The following SKIL variants were observed in gnomAD, a reference collection of about 807,000 sequenced individuals.
SKIL encodes SKI like proto-oncogene.
Under a neutral mutation model 69.6 loss-of-function variants are expected in SKIL, and 20 were observed. That is an observed-to-expected ratio of 0.29 (90% CI 0.20 to 0.42). The LOEUF is 0.42. SKIL is among the 10% of genes least tolerant of loss of function. The probability of loss-of-function intolerance (pLI) is 1.00; values close to 1 mark genes in which losing one functional copy is unlikely to be tolerated. For missense variants in SKIL, 745 were observed against 783.1 expected (o/e 0.95, Z 0.58); for synonymous variants, 310 against 279.9 (o/e 1.11, Z -1.08).
At chr3:170,364,588 T>C (rs1427256713) in intron 2 of SKIL, among the ~76,000 whole-genome samples, 1 of 151,764 alleles carries the variant, frequency 6.6e-6, no homozygotes, top group African/African-American at 2.4e-5. Flanking sequence ...TCTCAATTGC[T>C]GGGATTACAG....
At chr3:170,384,117 G>T (rs1043148674) in intron 3 of SKIL, among the ~76,000 whole-genome samples, 6 of 151,826 alleles carry the variant, frequency 4.0e-5, no homozygotes, top group African/African-American at 1.2e-4. Context: ...TTGGGAGTTG[G>T]AGGTGGGAGG....
chr3:170,393,601 CTG>C lies in SKIL; in HGVS notation c.*1186_*1187del, dbSNP rs1738037278. 6.6e-6 allele frequency: 1 copy of C among 152,006 alleles called. No individual in the cohort carries two copies. Among genetic ancestry groups the C allele is most frequent in the Admixed American group, 6.6e-5 (1 of 15,260 alleles). 9.4% of individuals were successfully genotyped at this position (152,006 alleles called of 1,614,324 possible). A position where few individuals can be genotyped will look rare whatever the true frequency, so the allele number is the denominator to read the frequency against. ...GCACTTTTTTTTTGCACAGAAAAGTCTGTCATTCTCTAATGGCAAATTTCATA... is the reference window on the plus strand; with the variant it reads ...GCACTTTTTTTTTGCACAGAAAAGTCTCATTCTCTAATGGCAAATTTCATA... On this transcript the variant is annotated 3_prime_UTR_variant, in exon 7 of 7. Coordinates refer to ENST00000259119, the MANE Select transcript of SKIL (RefSeq NM_005414.5).
At chr3:170,378,179 C>T (rs1450884527) in intron 2 of SKIL, among the ~76,000 whole-genome samples, 1 of 152,108 alleles carries the variant, frequency 6.6e-6, no homozygotes, top group Non-Finnish European at 1.5e-5. Context: ...GCGTGAGCCA[C>T]TGTGCCCTGC....
intron 3 of SKIL, among the ~76,000 whole-genome samples, chr3:170,382,413 A>ATTTTTTT (rs773770207): frequency 8.4e-6 from 1 of 119,112 alleles, no homozygotes. Context: ...TGCAACTTTG[A>ATTTTTTT]TTTTTTTTTT....
In SKIL at chr3:170,380,995, AT is replaced by A. The variant is rs35175326; in HGVS notation, c.1099-230del. ...AGATGTACACCACTGCAACTGGCTAATTTTTTTTTTTTTTTTTTTAAAGAGA... is the reference window on the plus strand; with the variant it reads ...AGATGTACACCACTGCAACTGGCTAATTTTTTTTTTTTTTTTTTAAAGAGA... On this transcript the variant is annotated intron_variant, in intron 2 of 6. Coordinates refer to ENST00000259119, the MANE Select transcript of SKIL (RefSeq NM_005414.5). 2.2e-3 allele frequency among the ~76,000 whole-genome samples: 303 copies of A among 140,108 alleles called. 3 individuals carry two copies. Among genetic ancestry groups the A allele is most frequent in the African/African-American group, 6.7e-3 (256 of 37,942 alleles). The allele number at this position is 140,108 out of a possible 152,430, so 91.9% of individuals were successfully genotyped here. A position where few individuals can be genotyped will look rare whatever the true frequency, so the allele number is the denominator to read the frequency against.
intron 2 of SKIL, among the ~76,000 whole-genome samples, chr3:170,370,860 G>A (rs928461081): frequency 6.6e-6 from 1 of 151,976 alleles, no homozygotes; most frequent in Non-Finnish European, 1.5e-5. Flanking sequence ...TGGGAGTATC[G>A]CTTGAGTTGG....
At chr3:170,379,269 C>A (rs1474569135) in intron 2 of SKIL, among the ~76,000 whole-genome samples, 4 of 152,076 alleles carry the variant, frequency 2.6e-5, no homozygotes, top group African/African-American at 9.7e-5. Context: ...TGAGCCACTG[C>A]GCCTGGCCAT....
intron 2 of SKIL, among the ~76,000 whole-genome samples, chr3:170,362,985 T>G (rs1166473807): frequency 6.6e-6 from 1 of 151,646 alleles, no homozygotes; most frequent in East Asian, 1.9e-4. Context: ...TGTTTTATAT[T>G]TTTTCCTATT....
chr3:170,361,174 T>C lies in SKIL; in HGVS notation c.843T>C (p.Tyr281=), dbSNP rs1336552822. ...KCQGLFAPQF[Y]VQPDAPCIQC... is the part of the protein sequence containing the mutation. ...AGGGTTTATTTGCACCCCAGTTTTA[T>C]GTTCAGCCTGATGCTCCGTGTATTC... The change falls in exon 2 of 7, where the codon TAT becomes TAC. Residue 281 remains tyrosine (Y), a synonymous_variant. Transcript: ENST00000259119. 3 of 1,614,256 alleles carry C rather than the reference T, an allele frequency of 1.9e-6. No individual in the cohort carries two copies. The highest frequency in any genetic ancestry group is 2.5e-6 in the Non-Finnish European group (3 of 1,180,044).
At chr3:170,369,506 A>G (rs916429561) in intron 2 of SKIL, among the ~76,000 whole-genome samples, 2 of 152,120 alleles carry the variant, frequency 1.3e-5, no homozygotes, top group African/African-American at 2.4e-5. Context: ...GGTTCAAGTG[A>G]TTCTCATGCC....
At chr3:170,384,862 GA>G (rs1334473185) in intron 4 of SKIL, 97 bp downstream of exon 4, 2 of 643,076 alleles carry the variant, frequency 3.1e-6, no homozygotes. Flanking sequence ...TAAATTTTCA[GA>G]TAATTGGAGC....
At chr3:170,378,866 TTTATTTATTTATTTA>T (rs1737182183) in intron 2 of SKIL, among the ~76,000 whole-genome samples, 1 of 149,634 alleles carries the variant, frequency 6.7e-6, no homozygotes, top group African/African-American at 2.5e-5. Context: ...TATTTATTTA[TTTATTTATTTATTTA>T]TTTTTTTTAT....
chr3:170,389,497 G>A (rs1470943402), intron 4 of SKIL, among the ~76,000 whole-genome samples: 4 of 151,712 alleles, frequency 2.6e-5, no homozygotes, highest in Non-Finnish European at 2.9e-5. Context: ...GTATTTTTTA[G>A]TAGAGACAGG....
intron 2 of SKIL, among the ~76,000 whole-genome samples, chr3:170,373,071 T>C (rs1421193900): frequency 2.0e-5 from 3 of 147,536 alleles, no homozygotes; most frequent in Non-Finnish European, 4.5e-5. Context: ...CACAGCAACC[T>C]CGACAACCTC....
intron 2 of SKIL, among the ~76,000 whole-genome samples, chr3:170,376,065 T>G (rs76151576): frequency 8.9e-6 from 1 of 111,806 alleles, no homozygotes; most frequent in Non-Finnish European, 1.8e-5. Flanking sequence ...TTTTTTTTTT[T>G]GAGACGGAGT....
chr3:170,368,274 G>A (rs1021453342), intron 2 of SKIL, among the ~76,000 whole-genome samples: 1 of 152,078 alleles, frequency 6.6e-6, no homozygotes, highest in Non-Finnish European at 1.5e-5. Flanking sequence ...CTCATATGAG[G>A]GACCATTATG....
At chr3:170,387,659 C>T (rs1481529943) in intron 4 of SKIL, among the ~76,000 whole-genome samples, 1 of 149,476 alleles carries the variant, frequency 6.7e-6, no homozygotes, top group Non-Finnish European at 1.5e-5. Flanking sequence ...CGCGGTGGCT[C>T]ACGCCTGTAA....
intron 2 of SKIL, among the ~76,000 whole-genome samples, chr3:170,373,454 A>G (rs1736883468): frequency 6.6e-6 from 1 of 152,196 alleles, no homozygotes; most frequent in African/African-American, 2.4e-5. Flanking sequence ...CTGGGATTAC[A>G]GGTGTGAGTC....
In SKIL at chr3:170,360,172, C is replaced by CT. The variant is rs1736151429; in HGVS notation, c.-159dup. On this transcript the variant is annotated 5_prime_UTR_variant, in exon 2 of 7. Transcript: ENST00000259119. ...TACCAGATTATAAGGAGAACCAAAA[C>CT]TAAGTCGCAAAATTTATTAATTTAA... 2 of 670,654 alleles carry CT rather than the reference C, an allele frequency of 3.0e-6. No individual in the cohort carries two copies. The highest frequency in any genetic ancestry group is 5.1e-5 in the South Asian group (2 of 38,848). 41.5% of individuals were successfully genotyped at this position (670,654 alleles called of 1,614,324 possible).
Sources: allele counts gnomAD v4.1 joint callset (sites outside exome capture counted in the v4.1 genomes callset), GRCh38; gene constraint gnomAD v4.1.1; transcripts MANE v1.5; gene names NCBI Gene and HGNC (gene_info 2026-07-23, HGNC 2026-07-21).